Variants in FAM177A1 observed in about 807,000 individuals in gnomAD.
The protein encoded by FAM177A1 is protein FAM177A1.
In FAM177A1, 22 loss-of-function variants were observed where a neutral mutation model predicts 26.1. That is an observed-to-expected ratio of 0.84 (90% confidence interval 0.60 to 1.20). FAM177A1 has a LOEUF of 1.20. FAM177A1 is among the 50% of genes most tolerant of loss of function. FAM177A1 has a pLI of 0.00. For synonymous variants in FAM177A1, 95 were observed against 99.3 expected (o/e 0.96, Z 0.26); for missense variants, 296 against 291.1 (o/e 1.02, Z -0.12).
At chr14:35,055,608 AT>A in intron 2 of FAM177A1, among the ~76,000 whole-genome samples, 1 of 151,054 alleles carries the variant, frequency 6.6e-6, no homozygotes, top group African/African-American at 2.4e-5. Context: ...TAATTTTTGT[AT>A]TTTTTTTAGT....
chr14:35,048,315 T>C (rs1038232047), intron 1 of FAM177A1, among the ~76,000 whole-genome samples: 3 of 152,186 alleles, frequency 2.0e-5, no homozygotes, highest in Non-Finnish European at 2.9e-5. Flanking sequence ...CGTGTACTTA[T>C]ATACCAGCTA....
At chr14:35,067,091 C>T (rs956954198) in intron 2 of FAM177A1, among the ~76,000 whole-genome samples, 11 of 152,144 alleles carry the variant, frequency 7.2e-5, no homozygotes, top group Admixed American at 2.0e-4. Context: ...CATGCCCAGC[C>T]CAATTTTCTG....
Position 35,081,412 on chromosome 14 carries a change from G to A in FAM177A1, c.*184G>A. On this transcript the variant is annotated 3_prime_UTR_variant, in exon 5 of 5. Coordinates refer to ENST00000280987, the MANE Select transcript of FAM177A1 (RefSeq NM_173607.5). ...TAGCAAAAGCCAGATCTGAAATTCAGATATTTGTACTGTTTTTACTGTGTA... is the reference window on the plus strand; with the variant it reads ...TAGCAAAAGCCAGATCTGAAATTCAAATATTTGTACTGTTTTTACTGTGTA... The A allele has an allele frequency of 1.7e-6, 1 of 582,562 alleles. No individual in the cohort carries two copies. 36.1% of individuals were successfully genotyped at this position (582,562 alleles called of 1,614,324 possible).
At chr14:35,079,265 T>G (rs1237950706) in intron 4 of FAM177A1, among the ~76,000 whole-genome samples, 1 of 152,238 alleles carries the variant, frequency 6.6e-6, no homozygotes, top group Non-Finnish European at 1.5e-5. Context: ...TAGTGCTATG[T>G]GAGATGCCTT....
chr14:35,045,348 T>C (rs2044844860), upstream of FAM177A1, among the ~76,000 whole-genome samples: 1 of 152,206 alleles, frequency 6.6e-6, no homozygotes, highest in South Asian at 2.1e-4. Context: ...GTTCCAGTTA[T>C]ACATAGAATA....
chr14:35,061,928 AAGAG>A (rs899719607), intron 2 of FAM177A1, among the ~76,000 whole-genome samples: 1 of 152,038 alleles, frequency 6.6e-6, no homozygotes, highest in Non-Finnish European at 1.5e-5. Flanking sequence ...CTGGTGGAAG[AAGAG>A]AGTCACCCCC....
intron 2 of FAM177A1, among the ~76,000 whole-genome samples, chr14:35,073,620 T>G (rs1367988602): frequency 6.6e-6 from 1 of 152,194 alleles, no homozygotes. Flanking sequence ...GGACAAAGCA[T>G]TGATGGAACC....
intron 1 of FAM177A1, among the ~76,000 whole-genome samples, chr14:35,051,271 C>T (rs2044965334): frequency 1.3e-5 from 2 of 152,068 alleles, no homozygotes; most frequent in South Asian, 2.1e-4. Context: ...AGGTGCGTGC[C>T]ACCACGCCCA....
In FAM177A1 at chr14:35,083,286, A is replaced by T. The variant is rs561349347; in HGVS notation, c.*2058A>T. The T allele has an allele frequency of 3.9e-5, 6 of 152,688 alleles. No individual in the cohort carries two copies. The highest frequency in any genetic ancestry group is 1.4e-4 in the African/African-American group (6 of 41,476). 9.5% of individuals were successfully genotyped at this position (152,688 alleles called of 1,614,324 possible). A position where few individuals can be genotyped will look rare whatever the true frequency, so the allele number is the denominator to read the frequency against. On this transcript the variant is annotated 3_prime_UTR_variant, in exon 5 of 5. Transcript: ENST00000280987. ...GAATTTTACTTTTGCTACTTGTCCA[A>T]TAGTGGCTAGTTTATGTTTATCAAT...
chr14:35,046,458 C>T lies in FAM177A1; in HGVS notation c.-6C>T. ...CTCGGCCAGCGACTGGGCGGGGAGA[C>T]CAAGGATGGAAGTGGGCTTACCGGC... On this transcript the variant is annotated 5_prime_UTR_variant, in exon 1 of 5. Coordinates refer to ENST00000280987, the MANE Select transcript of FAM177A1 (RefSeq NM_173607.5). The T allele has an allele frequency of 6.4e-7, 1 of 1,559,514 alleles. No homozygotes were observed. Among genetic ancestry groups the T allele is most frequent in the South Asian group, 1.2e-5 (1 of 86,022 alleles).
At chr14:35,075,477 AC>A (rs1288370306) in intron 2 of FAM177A1, among the ~76,000 whole-genome samples, 3 of 152,172 alleles carry the variant, frequency 2.0e-5, no homozygotes, top group Non-Finnish European at 4.4e-5. Flanking sequence ...TAAATGTTAG[AC>A]CTAAAACCAT....
chr14:35,055,828 C>G (rs954150467), intron 2 of FAM177A1, among the ~76,000 whole-genome samples: 1 of 152,186 alleles, frequency 6.6e-6, no homozygotes, highest in Non-Finnish European at 1.5e-5. Context: ...TCCACATATT[C>G]AGCATCACTT....
intron 2 of FAM177A1, among the ~76,000 whole-genome samples, chr14:35,076,055 C>T (rs1388421808): frequency 6.6e-6 from 1 of 152,120 alleles, no homozygotes; most frequent in Non-Finnish European, 1.5e-5. Flanking sequence ...GGATCTAGAA[C>T]CAGAAATACC....
At chr14:35,048,643 G>T (rs887149039) in intron 1 of FAM177A1, among the ~76,000 whole-genome samples, 1 of 151,312 alleles carries the variant, frequency 6.6e-6, no homozygotes, top group East Asian at 1.9e-4. Context: ...TTTGCCCTTT[G>T]TGCTTTCAGA....
intron 2 of FAM177A1, among the ~76,000 whole-genome samples, chr14:35,055,252 G>A (rs1222498388): frequency 1.4e-5 from 2 of 142,816 alleles, no homozygotes; most frequent in South Asian, 2.3e-4. Flanking sequence ...GCAGTGAGCC[G>A]AGATCGTGCC....
chr14:35,070,663 A>G (rs2045307935), intron 2 of FAM177A1, among the ~76,000 whole-genome samples: 1 of 152,140 alleles, frequency 6.6e-6, no homozygotes, highest in Admixed American at 6.6e-5. Flanking sequence ...ATACATTGCT[A>G]CTGCATATTT....
chr14:35,065,355 A>ATT (rs1566671548), intron 2 of FAM177A1, among the ~76,000 whole-genome samples: 3 of 135,220 alleles, frequency 2.2e-5, no homozygotes, highest in African/African-American at 9.1e-5. Flanking sequence ...TTTCCATTGA[A>ATT]TCTTTTTTTT....
rs754312052 is a variant in FAM177A1, at chr14:35,046,467, G to T, written c.4G>T (p.Glu2Ter). The T allele has an allele frequency of 6.3e-7, 1 of 1,582,642 alleles. No individual in the cohort carries two copies. The highest frequency in any genetic ancestry group is 8.6e-7 in the Non-Finnish European group (1 of 1,164,818). Residue 2 changes from glutamate (E) to a stop codon, truncating the protein, a stop_gained, in exon 1 of 5, where the codon GAA (glutamate) becomes TAA (stop). Transcript: ENST00000280987. LOFTEE classifies it high-confidence loss of function. ...CGACTGGGCGGGGAGACCAAGGATG[G>T]AAGTGGGCTTACCGGCCATTACCCT... M[E>*]VGLPAITLFL... is the part of the protein sequence containing the mutation.
At chr14:35,062,785 C>G in intron 2 of FAM177A1, among the ~76,000 whole-genome samples, 1 of 144,612 alleles carries the variant, frequency 6.9e-6, no homozygotes, top group East Asian at 2.0e-4. Context: ...CAAAGTGAGA[C>G]CCTGTCTCAA....
Sources: gnomAD v4.1 joint callset for allele counts (sites outside exome capture counted in the v4.1 genomes callset) on GRCh38, gnomAD v4.1.1 for gene constraint, MANE v1.5 for transcripts, NCBI Gene and HGNC (gene_info 2026-07-23, HGNC 2026-07-21) for gene names.